Variants in ABHD2 observed in about 807,000 individuals in gnomAD.
ABHD2 encodes the protein abhydrolase domain containing 2, acylglycerol lipase.
A neutral mutation model predicts 48.1 loss-of-function variants in ABHD2; 20 were observed. The ratio of observed to expected loss-of-function variants is 0.42; its 90% CI spans 0.29 to 0.60. The LOEUF is 0.60. ABHD2 is among the 20% of genes least tolerant of loss of function. The pLI is 0.24. For missense variants in ABHD2, 405 were observed against 550.9 expected, an observed-to-expected ratio of 0.74 and a Z score of 2.65; for synonymous variants, 209 against 214.2, an observed-to-expected ratio of 0.98 and a Z score of 0.21.
At position 89,195,644 on chromosome 15, in the gene ABHD2, G is replaced by T. The variant is rs568277718; in HGVS notation, c.*221G>T. 50 of 488,408 alleles carry T rather than the reference G, an allele frequency of 1.0e-4. No homozygotes were observed. Among genetic ancestry groups the T allele is most frequent in the African/African-American group, 9.3e-4 (47 of 50,652 alleles). 30.3% of individuals were successfully genotyped at this position (488,408 alleles called of 1,614,324 possible). A position where few individuals can be genotyped will look rare whatever the true frequency, so the allele number is the denominator to read the frequency against. ...CTGGTTTTCTCCATTGCATTGTTAG[G>T]CATGGTGACAAGTGACAGAGTTCTT... On this transcript the variant is annotated 3_prime_UTR_variant, in exon 11 of 11. Transcript: ENST00000352732. The surrounding 1 kb of genome is among the most constrained non-coding windows in gnomAD (Gnocchi z 5.1).
At chr15:89,075,330 G>A in the ABHD2 span, 5 of 152,314 alleles carry the variant, frequency 3.3e-5, no homozygotes, top group African/African-American at 1.2e-4. This position sits in a 1 kb window ranked among gnomAD's most constrained non-coding sequence, Gnocchi z 4.1. Flanking sequence ...GAACTCCACA[G>A]GAAGATGAGG....
chr15:89,118,935 C>T (rs2050004733), intron 3 of ABHD2, among the ~76,000 whole-genome samples: 1 of 152,172 alleles, frequency 6.6e-6, no homozygotes, highest in Non-Finnish European at 1.5e-5. Flanking sequence ...ATGGCTCCCA[C>T]CCACCTCCTC....
chr15:89,158,702 C>T (rs989482860), intron 5 of ABHD2, among the ~76,000 whole-genome samples: 1 of 152,000 alleles, frequency 6.6e-6, no homozygotes, highest in Non-Finnish European at 1.5e-5. Context: ...TAGGTTCATT[C>T]TTTTTGTTTT....
chr15:89,188,853 A>G lies in ABHD2; in HGVS notation c.926+550A>G, dbSNP rs1363943816. On this transcript the variant is annotated intron_variant, in intron 8 of 10. Coordinates refer to ENST00000352732, the MANE Select transcript of ABHD2 (RefSeq NM_152924.5). The surrounding 1 kb of genome is among the most constrained non-coding windows in gnomAD (Gnocchi z 4.1). ...ATGTTCATGCCATTGCACTCCAGCC[A>G]GGGTGACACAGCAAGACCCTTCTCA... Among the ~76,000 whole-genome samples the G allele has an allele frequency of 6.6e-6, 1 of 151,000 alleles. No individual in the cohort carries two copies. The highest frequency in any genetic ancestry group is 6.6e-5 in the Admixed American group (1 of 15,132).
chr15:89,188,911 C>T lies in ABHD2; in HGVS notation c.926+608C>T, dbSNP rs147279140. Among the ~76,000 whole-genome samples the T allele has an allele frequency of 3.3e-5, 5 of 150,804 alleles. No homozygotes were observed. The East Asian group carries it at 9.7e-4, about 29-fold the overall frequency. ...AAAAAAAAAAAAAGAAGTAGAAAAA[C>T]AGAAGATAGACCAAGAGGACTATGT... On this transcript the variant is annotated intron_variant, in intron 8 of 10. Transcript: ENST00000352732. The surrounding 1 kb of genome is among the most constrained non-coding windows in gnomAD (Gnocchi z 4.1).
Position 89,117,742 on chromosome 15 carries a change from G to T in ABHD2, c.194+1221G>T, listed in dbSNP as rs141842603. 3.9e-5 allele frequency among the ~76,000 whole-genome samples: 6 copies of T among 152,346 alleles called. No homozygotes were observed. The East Asian group carries it at 9.6e-4, about 24-fold the overall frequency. ...GCACCTCTCATCACCTCTTTTGGCT[G>T]TTGGGGACACTGGGTGAATGATTCT... On this transcript the variant is annotated intron_variant, in intron 3 of 10. Transcript: ENST00000352732.
chr15:89,048,775 T>C, the ABHD2 span, among the ~76,000 whole-genome samples: 1 of 152,076 alleles, frequency 6.6e-6, no homozygotes, highest in Non-Finnish European at 1.5e-5. Flanking sequence ...TTCTCTGTAT[T>C]AGTTATTCTA....
the ABHD2 span, among the ~76,000 whole-genome samples, chr15:89,061,195 A>T: frequency 6.6e-6 from 1 of 151,930 alleles, no homozygotes; most frequent in African/African-American, 2.4e-5. Context: ...AGGCAGGTGG[A>T]TCACCTGAGG....
intron 3 of ABHD2, among the ~76,000 whole-genome samples, chr15:89,124,398 A>T (rs1440830095): frequency 6.6e-6 from 1 of 152,170 alleles, no homozygotes; most frequent in Non-Finnish European, 1.5e-5. Context: ...ACTCTCTTCC[A>T]GTCAGATTGC....
At chr15:89,128,291 G>T (rs550551688) in intron 3 of ABHD2, among the ~76,000 whole-genome samples, 2 of 152,344 alleles carry the variant, frequency 1.3e-5, no homozygotes, top group African/African-American at 4.8e-5. Context: ...ACAGATGTTG[G>T]TGTGAGCATG....
At chr15:89,147,481 G>A (rs1327243163) in intron 3 of ABHD2, among the ~76,000 whole-genome samples, 1 of 149,606 alleles carries the variant, frequency 6.7e-6, no homozygotes, top group Non-Finnish European at 1.5e-5. Context: ...AGCCTCCCAA[G>A]TAGCTGGGAT....
At chr15:89,072,125 G>T in the ABHD2 span, among the ~76,000 whole-genome samples, 1 of 152,124 alleles carries the variant, frequency 6.6e-6, no homozygotes, top group Non-Finnish European at 1.5e-5. Flanking sequence ...TATGAGCCTT[G>T]GTCACAGAAT....
chr15:89,181,625 T>G (rs2051117071), intron 6 of ABHD2, among the ~76,000 whole-genome samples: 1 of 152,234 alleles, frequency 6.6e-6, no homozygotes, highest in Non-Finnish European at 1.5e-5. Flanking sequence ...TTCACTATTC[T>G]TATAGTCTCT....
At chr15:89,194,659 C>G (rs1315354937) in intron 10 of ABHD2, among the ~76,000 whole-genome samples, 1 of 152,194 alleles carries the variant, frequency 6.6e-6, no homozygotes, top group African/African-American at 2.4e-5. Flanking sequence ...TACTCAGAGC[C>G]TGGCCCCCAC....
chr15:89,141,541 G>C (rs928211725), intron 3 of ABHD2, among the ~76,000 whole-genome samples: 2 of 152,164 alleles, frequency 1.3e-5, no homozygotes, highest in Admixed American at 6.5e-5. Flanking sequence ...GCTGAGGTGC[G>C]AGAATCGCTT....
At chr15:89,068,632 G>A in the ABHD2 span, among the ~76,000 whole-genome samples, 3 of 152,044 alleles carry the variant, frequency 2.0e-5, no homozygotes, top group African/African-American at 7.2e-5. Flanking sequence ...CAAAGCACAA[G>A]TGCATGGCAT....
At chr15:89,043,640 G>A in the ABHD2 span, among the ~76,000 whole-genome samples, 1 of 139,986 alleles carries the variant, frequency 7.1e-6, no homozygotes, top group African/African-American at 2.6e-5. Context: ...GGAGGAGGAG[G>A]AGGAAGGAGA....
chr15:89,093,173 C>CTT (rs71149272), intron 1 of ABHD2, among the ~76,000 whole-genome samples: 281 of 71,564 alleles, frequency 3.9e-3, no homozygotes, highest in Middle Eastern at 0.01. Flanking sequence ...TTTTTTCATT[C>CTT]TTTTTTTTTT....
intron 5 of ABHD2, among the ~76,000 whole-genome samples, chr15:89,157,612 G>A (rs1009913461): frequency 5.3e-5 from 8 of 152,154 alleles, no homozygotes; most frequent in Non-Finnish European, 2.9e-5. Context: ...GGGAGGCCAA[G>A]GCAGGCAGAT....
Sources: allele counts gnomAD v4.1 joint callset (sites outside exome capture counted in the v4.1 genomes callset), GRCh38; gene constraint gnomAD v4.1.1; non-coding constraint Gnocchi (gnomAD v3.1); transcripts MANE v1.5; gene names NCBI Gene and HGNC (gene_info 2026-07-23, HGNC 2026-07-21).